SELENOI: variants seen among roughly 807,000 people sequenced by gnomAD.
The protein encoded by SELENOI is selenoprotein I.
Under a neutral mutation model 50.7 loss-of-function variants are expected in SELENOI, and 24 were observed. The ratio of observed to expected loss-of-function variants is 0.47; its 90% CI spans 0.34 to 0.67. SELENOI has a LOEUF of 0.67. Ranked by LOEUF, SELENOI falls within the 30% of genes least tolerant of loss-of-function variation. The probability of loss-of-function intolerance (pLI) is 0.01; values close to 1 mark genes in which losing one functional copy is unlikely to be tolerated. For missense variants in SELENOI, 352 were observed against 461.4 expected (o/e 0.76, Z 2.17); for synonymous variants, 155 against 170.2 (o/e 0.91, Z 0.70).
Position 26,395,100 on chromosome 2 carries a change from G to A in SELENOI, c.*5997G>A, listed in dbSNP as rs1678060559. Reference sequence around the variant, plus strand: ...TGCAGTGTTCATAGTAGCAATGTATGTACCATTTATTTTATCTGGTTGTGT... The same window carrying A: ...TGCAGTGTTCATAGTAGCAATGTATATACCATTTATTTTATCTGGTTGTGT... On this transcript the variant is annotated 3_prime_UTR_variant, in exon 10 of 10. Transcript: ENST00000260585. 6.6e-6 allele frequency: 1 copy of A among 152,204 alleles called. No homozygotes were observed. The highest frequency in any genetic ancestry group is 2.4e-5 in the African/African-American group (1 of 41,452). 9.4% of individuals were successfully genotyped at this position (152,204 alleles called of 1,614,324 possible). A position where few individuals can be genotyped will look rare whatever the true frequency, so the allele number is the denominator to read the frequency against.
intron 6 of SELENOI, 93 bp downstream of exon 6, chr2:26,375,241 T>G (rs963335512): frequency 1.4e-6 from 1 of 718,756 alleles, no homozygotes; most frequent in Non-Finnish European, 2.3e-6. Context: ...ACCCTTTGCC[T>G]CACAAAACCT....
chr2:26,373,485 C>A lies in SELENOI; in HGVS notation c.429C>A (p.Ile143=), dbSNP rs761839915. The A allele has an allele frequency of 6.2e-7, 1 of 1,613,966 alleles. No homozygotes were observed. Among genetic ancestry groups the A allele is most frequent in the South Asian group, 1.1e-5 (1 of 91,078 alleles). The change falls in exon 5 of 10, where the codon ATC becomes ATA. Residue 143 remains isoleucine, a synonymous_variant. Transcript: ENST00000260585. The part of the protein sequence containing the change: ...CVYFVVTVYS[I]FGRGSTGVSV... ...ACTTTGTTGTGACTGTTTATTCCAT[C>A]TTTGGAAGAGGATCAACTGGTGTCA...
chr2:26,388,216 T>C (rs908852030), intron 9 of SELENOI, among the ~76,000 whole-genome samples: 5 of 152,236 alleles, frequency 3.3e-5, no homozygotes, highest in South Asian at 2.1e-4. Context: ...AGAATATCCA[T>C]TTGCCAGTGT....
chr2:26,354,511 C>T (rs750938808), intron 1 of SELENOI, among the ~76,000 whole-genome samples: 110 of 152,090 alleles, frequency 7.2e-4, no homozygotes, highest in Non-Finnish European at 1.3e-3. Flanking sequence ...TTCAGCCTCC[C>T]GATTAGCTGG....
rs542145643 is a variant in SELENOI at position 26,351,279 on chromosome 2, A to G, written c.57+4990A>G. On this transcript the variant is annotated intron_variant, in intron 1 of 9. Coordinates refer to ENST00000260585, the MANE Select transcript of SELENOI (RefSeq NM_033505.4). Reference sequence around the variant, plus strand: ...CGCCATGTTGGCCAGGGTGGTCTTGAACTTCGGACCTCAGGTGATCCGCCT... The same window carrying G: ...CGCCATGTTGGCCAGGGTGGTCTTGGACTTCGGACCTCAGGTGATCCGCCT... 1.4e-4 allele frequency among the ~76,000 whole-genome samples: 22 copies of G among 152,138 alleles called. No homozygotes were observed. The East Asian group carries it at 3.3e-3, about 23-fold the overall frequency.
In SELENOI at chr2:26,395,105, ATTTAT is replaced by A. The variant is rs1326703340; in HGVS notation, c.*6008_*6012del. 6.6e-6 allele frequency: 1 copy of A among 152,194 alleles called. No homozygotes were observed. The highest frequency in any genetic ancestry group is 1.5e-5 in the Non-Finnish European group (1 of 68,028). The allele number at this position is 152,194 out of a possible 1,614,324, so 9.4% of individuals were successfully genotyped here. ...TGTTCATAGTAGCAATGTATGTACCATTTATTTTATCTGGTTGTGTGTGATGTGTG... is the reference window on the plus strand; with the variant it reads ...TGTTCATAGTAGCAATGTATGTACCATTTATCTGGTTGTGTGTGATGTGTG... On this transcript the variant is annotated 3_prime_UTR_variant, in exon 10 of 10. Transcript: ENST00000260585.
At chr2:26,356,161 T>C (rs1454583953) in intron 1 of SELENOI, among the ~76,000 whole-genome samples, 2 of 152,214 alleles carry the variant, frequency 1.3e-5, no homozygotes, top group East Asian at 3.8e-4. Context: ...AGTTTAGCGA[T>C]GTTTTGTTTT....
chr2:26,369,232 T>C (rs1270440600), intron 4 of SELENOI, among the ~76,000 whole-genome samples: 3 of 152,194 alleles, frequency 2.0e-5, no homozygotes, highest in Non-Finnish European at 4.4e-5. Flanking sequence ...GTAATGGTGA[T>C]TCTCACTCTA....
rs1677982229 is a variant in SELENOI, at chr2:26,392,011, T to C, written c.*2908T>C. The C allele has an allele frequency of 6.6e-6, 1 of 152,228 alleles. No individual in the cohort carries two copies. The allele number at this position is 152,228 out of a possible 1,614,324, so 9.4% of individuals were successfully genotyped here. A position where few individuals can be genotyped will look rare whatever the true frequency, so the allele number is the denominator to read the frequency against. On this transcript the variant is annotated 3_prime_UTR_variant, in exon 10 of 10. Transcript: ENST00000260585. ...TTCCTCCTTGTCATTTTAATGTCAT[T>C]ATTGAAATACTTTTAATTCTAATTT...
chr2:26,347,923 C>T (rs879393136), intron 1 of SELENOI, among the ~76,000 whole-genome samples: 4 of 152,160 alleles, frequency 2.6e-5, no homozygotes, highest in African/African-American at 7.2e-5. Flanking sequence ...TATCTGACAG[C>T]AGATGACTTC....
intron 4 of SELENOI, among the ~76,000 whole-genome samples, chr2:26,370,787 G>T (rs1354981426): frequency 6.9e-6 from 1 of 145,626 alleles, no homozygotes; most frequent in Non-Finnish European, 1.5e-5. Context: ...GCCGGGCAGA[G>T]GGGCTCCTCA....
chr2:26,346,303 G>A lies in SELENOI; in HGVS notation c.57+14G>A, dbSNP rs754158353. The A allele has an allele frequency of 6.2e-7, 1 of 1,605,754 alleles. No individual in the cohort carries two copies. The highest frequency in any genetic ancestry group is 8.5e-7 in the Non-Finnish European group (1 of 1,174,868). On this transcript the variant is annotated intron_variant, in intron 1 of 9. Transcript: ENST00000260585. ...GATAAGTACAAGGTACCGCGGGCCG[G>A]CGGATGCCCCTCTCCCTGCTCCCGG...
At chr2:26,358,140 C>T (rs1013549321) in intron 1 of SELENOI, among the ~76,000 whole-genome samples, 11 of 152,120 alleles carry the variant, frequency 7.2e-5, no homozygotes, top group Non-Finnish European at 1.5e-4. Flanking sequence ...CAGTGGCTCA[C>T]GCCTGCAATC....
chr2:26,378,540 T>G (rs1449700429), intron 6 of SELENOI, among the ~76,000 whole-genome samples: 1 of 152,210 alleles, frequency 6.6e-6, no homozygotes, highest in Non-Finnish European at 1.5e-5. Flanking sequence ...TTCTAGTTCC[T>G]CTGCTGCTCT....
intron 1 of SELENOI, among the ~76,000 whole-genome samples, chr2:26,356,671 T>C (rs986251185): frequency 6.6e-6 from 1 of 152,120 alleles, no homozygotes; most frequent in African/African-American, 2.4e-5. Context: ...TTCTAACTGG[T>C]CTCTAGTTTG....
chr2:26,349,305 T>G, intron 1 of SELENOI, among the ~76,000 whole-genome samples: 1 of 114,176 alleles, frequency 8.8e-6, no homozygotes, highest in African/African-American at 4.0e-5. Context: ...CCACCACACT[T>G]GTCTTTTTTT....
intron 1 of SELENOI, among the ~76,000 whole-genome samples, chr2:26,359,858 G>A (rs572794519): frequency 2.2e-4 from 34 of 152,200 alleles, no homozygotes; most frequent in African/African-American, 6.7e-4. Context: ...ACTGTTTTAC[G>A]TCTTCTCCTA....
chr2:26,358,975 T>C (rs1032234227), intron 1 of SELENOI, among the ~76,000 whole-genome samples: 3 of 152,306 alleles, frequency 2.0e-5, no homozygotes, highest in East Asian at 1.9e-4. Flanking sequence ...CTAGACCACA[T>C]GTTTGTGTTG....
intron 2 of SELENOI, 67 bp downstream of exon 2, chr2:26,364,437 G>T: frequency 9.4e-7 from 1 of 1,066,882 alleles, no homozygotes; most frequent in East Asian, 2.6e-5. Flanking sequence ...CTATTTTATG[G>T]AGTATTATAA....
Sources: gnomAD v4.1 joint callset for allele counts (sites outside exome capture counted in the v4.1 genomes callset) on GRCh38, gnomAD v4.1.1 for gene constraint, MANE v1.5 for transcripts, NCBI Gene and HGNC (gene_info 2026-07-23, HGNC 2026-07-21) for gene names.